The following DCBLD1 variants were observed in gnomAD, a reference collection of about 807,000 sequenced individuals.
DCBLD1 encodes the protein discoidin, CUB and LCCL domain-containing protein 1.
DCBLD1 carries 57 observed loss-of-function variants against 71.5 expected under a neutral mutation model. The observed-to-expected ratio is 0.80, with a 90% CI of 0.64 to 0.99. The LOEUF is 0.99. Ranked by LOEUF, DCBLD1 falls within the 50% of genes least tolerant of loss-of-function variation. The pLI, the probability that DCBLD1 is intolerant of heterozygous loss-of-function variation, is 0.00. For missense variants in DCBLD1, 891 were observed against 923.5 expected (o/e 0.96, Z 0.46); for synonymous variants, 380 against 363.8 (o/e 1.04, Z -0.51).
At chr6:117,494,822 C>T (rs72963428) in intron 1 of DCBLD1, 3,326 of 152,304 alleles carry the variant, frequency 0.022, 53 homozygotes, top group Middle Eastern at 0.085. Context: ...ATCATGGGAT[C>T]TCTCTGTGTG....
At chr6:117,526,218 C>A (rs1168369194) in intron 5 of DCBLD1, among the ~76,000 whole-genome samples, 5 of 152,166 alleles carry the variant, frequency 3.3e-5, no homozygotes, top group Non-Finnish European at 7.4e-5. Context: ...TCTCTTTTAG[C>A]ACATTCTGAT....
intron 4 of DCBLD1, among the ~76,000 whole-genome samples, chr6:117,524,079 A>G (rs1259660049): frequency 1.3e-5 from 2 of 152,190 alleles, no homozygotes; most frequent in South Asian, 2.1e-4. Context: ...ACTGCTAGCT[A>G]GGTAGTGCTG....
intron 2 of DCBLD1, among the ~76,000 whole-genome samples, chr6:117,516,017 A>C (rs146732796): frequency 4.9e-4 from 74 of 152,240 alleles, no homozygotes; most frequent in African/African-American, 1.4e-3. Context: ...TTTAACAAGC[A>C]CTTATATAGC....
rs187230716 is a variant in DCBLD1, at chr6:117,492,624, G to C, written c.112+9731G>C. Among the ~76,000 whole-genome samples the C allele has an allele frequency of 4.6e-5, 7 of 152,238 alleles. No individual in the cohort carries two copies. The East Asian group carries it at 1.2e-3, about 25-fold the overall frequency. On this transcript the variant is annotated intron_variant, in intron 1 of 14. Coordinates refer to ENST00000338728, the MANE Select transcript of DCBLD1 (RefSeq NM_001366458.2). ...TTAAGATTTTTTAAAGTCCTTACTG[G>C]TAGCTAACCATTGCTTTTATAGCAT... is the stretch of plus-strand genomic sequence containing the variant.
intron 14 of DCBLD1, among the ~76,000 whole-genome samples, chr6:117,564,476 C>T (rs1159072726): frequency 2.6e-5 from 4 of 151,972 alleles, no homozygotes; most frequent in Non-Finnish European, 5.9e-5. Context: ...AAACTTAAAA[C>T]GAATTCTGAT....
At chr6:117,522,784 A>G (rs1464900355) in intron 4 of DCBLD1, among the ~76,000 whole-genome samples, 1 of 152,156 alleles carries the variant, frequency 6.6e-6, no homozygotes, top group Non-Finnish European at 1.5e-5. Context: ...GCACAGAGTA[A>G]GTAGCTCTTG....
chr6:117,558,422 A>G (rs1303415028), intron 14 of DCBLD1, among the ~76,000 whole-genome samples: 1 of 152,168 alleles, frequency 6.6e-6, no homozygotes, highest in Non-Finnish European at 1.5e-5. Context: ...CCCTCTCCAT[A>G]AGCTGGATTT....
At position 117,548,985 on chromosome 6, in the gene DCBLD1, A is replaced by T; in HGVS notation, c.*546A>T. The T allele has an allele frequency of 1.0e-6, 1 of 986,796 alleles. No individual in the cohort carries two copies. The highest frequency in any genetic ancestry group is 1.2e-6 in the Non-Finnish European group (1 of 830,898). 61.1% of individuals were successfully genotyped at this position (986,796 alleles called of 1,614,324 possible). A position where few individuals can be genotyped will look rare whatever the true frequency, so the allele number is the denominator to read the frequency against. On this transcript the variant is annotated 3_prime_UTR_variant, in exon 15 of 15. Coordinates refer to ENST00000338728, the MANE Select transcript of DCBLD1 (RefSeq NM_001366458.2). ...AACTAGAACTGAAAGCATTTTTAAC[A>T]TTCTTCTCCTGGAAGAAATGAATTA...
chr6:117,539,234 TA>T lies in DCBLD1; in HGVS notation c.977-18del. On this transcript the variant is annotated intron_variant, in intron 8 of 14. Transcript: ENST00000338728. ...TTAACAAACTTTTAAAAATAGCCTG[TA>T]AATATTATTTTCTTACAAGGAATTA... The T allele has an allele frequency of 6.6e-7, 1 of 1,514,884 alleles. No individual in the cohort carries two copies. Among genetic ancestry groups the T allele is most frequent in the Middle Eastern group, 2.0e-4 (1 of 5,108 alleles). The allele number at this position is 1,514,884 out of a possible 1,614,324, so 93.8% of individuals were successfully genotyped here.
intron 14 of DCBLD1, among the ~76,000 whole-genome samples, chr6:117,567,747 C>T (rs973357163): frequency 2.6e-5 from 4 of 151,504 alleles, no homozygotes; most frequent in African/African-American, 9.7e-5. Flanking sequence ...TGAGTGAGTC[C>T]TGCAGAAAGC....
chr6:117,545,674 A>G, intron 14 of DCBLD1, 77 bp downstream of exon 14: 1 of 1,539,164 alleles, frequency 6.5e-7, no homozygotes, highest in South Asian at 1.3e-5. Flanking sequence ...GAGAGAAATA[A>G]GGCAAAATCC....
chr6:117,548,032 C>CCGCAG lies in DCBLD1; in HGVS notation c.1744_1748dup (p.Ala584SerfsTer61). On this transcript the variant is annotated frameshift_variant, in exon 15 of 15. Transcript: ENST00000338728. LOFTEE classifies it low-confidence loss of function (END_TRUNC). ...CGATGCCGGCGGCCACTATGACTGC[C>CCGCAG]CGCAGCGGGCCGGCCGCCACGAGTA... 2 of 1,549,590 alleles carry CCGCAG rather than the reference C, an allele frequency of 1.3e-6. No homozygotes were observed. The highest frequency in any genetic ancestry group is 1.7e-6 in the Non-Finnish European group (2 of 1,146,426).
chr6:117,511,579 T>C (rs1309917085), intron 2 of DCBLD1, among the ~76,000 whole-genome samples: 1 of 152,176 alleles, frequency 6.6e-6, no homozygotes, highest in African/African-American at 2.4e-5. Context: ...ATAGGAATAG[T>C]TGGAAATAAT....
intron 1 of DCBLD1, among the ~76,000 whole-genome samples, chr6:117,491,990 G>A (rs1446271193): frequency 6.6e-6 from 1 of 152,168 alleles, no homozygotes; most frequent in Admixed American, 6.5e-5. Context: ...ACAATAGGAC[G>A]CATATGTTAT....
At chr6:117,538,944 C>T (rs1200580262) in intron 8 of DCBLD1, 109 bp downstream of exon 8, 4 of 1,130,200 alleles carry the variant, frequency 3.5e-6, no homozygotes, top group Non-Finnish European at 5.0e-6. Flanking sequence ...TACCTACCTC[C>T]AAGTTCTTGA....
At chr6:117,528,703 T>G (rs1241415453) in intron 5 of DCBLD1, among the ~76,000 whole-genome samples, 1 of 152,234 alleles carries the variant, frequency 6.6e-6, no homozygotes, top group African/African-American at 2.4e-5. Flanking sequence ...GCCATTGCAT[T>G]CCCTTTCCTA....
At chr6:117,568,225 C>A (rs904928493) in intron 14 of DCBLD1, among the ~76,000 whole-genome samples, 1 of 151,688 alleles carries the variant, frequency 6.6e-6, no homozygotes, top group Non-Finnish European at 1.5e-5. Context: ...TGTTACAGAT[C>A]GTTTTATGTT....
chr6:117,515,279 C>CG (rs200806534), intron 2 of DCBLD1, among the ~76,000 whole-genome samples: 3,945 of 152,258 alleles, frequency 0.026, 76 homozygotes, highest in East Asian at 0.051. Context: ...ACCTTGGCCT[C>CG]CCACAGTGCT....
chr6:117,556,425 C>A (rs949926108), intron 14 of DCBLD1, among the ~76,000 whole-genome samples: 4 of 152,130 alleles, frequency 2.6e-5, no homozygotes, highest in African/African-American at 9.7e-5. Context: ...TATATATGTC[C>A]ATGTGTACCC....
Sources: gnomAD v4.1 joint callset for allele counts (sites outside exome capture counted in the v4.1 genomes callset) on GRCh38, gnomAD v4.1.1 for gene constraint, MANE v1.5 for transcripts, NCBI Gene and HGNC (gene_info 2026-07-23, HGNC 2026-07-21) for gene names.